PCDHGA2: variants seen among roughly 807,000 people sequenced by gnomAD.
PCDHGA2 encodes protocadherin gamma-A2.
In PCDHGA2, 40 loss-of-function variants were observed where a neutral mutation model predicts 59.2. The observed-to-expected ratio is 0.68, with a 90% CI of 0.52 to 0.88. The LOEUF is 0.88. PCDHGA2 is among the 40% of genes least tolerant of loss of function. The probability of loss-of-function intolerance (pLI) is 0.00; values close to 1 mark genes in which losing one functional copy is unlikely to be tolerated. For missense variants in PCDHGA2, 1,226 were observed against 1,204.0 expected (o/e 1.02, Z -0.27); for synonymous variants, 560 against 526.0 (o/e 1.06, Z -0.89).
rs755576652 is a variant in PCDHGA2 at position 141,410,511 on chromosome 5, G to A, written c.2424+69116G>A. 4.3e-6 allele frequency: 7 copies of A among 1,613,942 alleles called. No individual in the cohort carries two copies. In the Admixed American group the frequency reaches 8.3e-5, roughly 19 times the overall value. On this transcript the variant is annotated intron_variant, in intron 1 of 3. Transcript: ENST00000394576. ...AAAGAGTTTAATTTCCTAAAATGCA[G>A]TGTGCCCCTACATTCCAATGAAGAC... is the stretch of plus-strand genomic sequence containing the variant.
At chr5:141,389,652 G>C in intron 1 of PCDHGA2, 1 of 1,612,638 alleles carries the variant, frequency 6.2e-7, no homozygotes, top group South Asian at 1.1e-5. Context: ...GACCAAGGTA[G>C]TGGCGGTGGA....
chr5:141,362,373 T>C (rs1281253972), intron 1 of PCDHGA2: 1 of 1,614,038 alleles, frequency 6.2e-7, no homozygotes, highest in East Asian at 2.2e-5. Flanking sequence ...ACAGTGAGGG[T>C]ACATTGCCCT....
At chr5:141,418,685 G>A (rs750217981) in intron 1 of PCDHGA2, 1 of 1,614,056 alleles carries the variant, frequency 6.2e-7, no homozygotes, top group African/African-American at 1.3e-5. Context: ...CATCAACTCA[G>A]AGATCACTTA....
Position 141,476,543 on chromosome 5 carries a change from G to A in PCDHGA2, c.2425-18264G>A, listed in dbSNP as rs1419273574. 1 of 1,614,220 alleles carries A rather than the reference G, an allele frequency of 6.2e-7. No individual in the cohort carries two copies. Among genetic ancestry groups the A allele is most frequent in the South Asian group, 1.1e-5 (1 of 91,084 alleles). On this transcript the variant is annotated intron_variant, in intron 1 of 3. Transcript: ENST00000394576. The surrounding 1 kb of genome is among the most constrained non-coding windows in gnomAD (Gnocchi z 7.6). ...TTTCCCTACCCAGGAAATGAAATTG[G>A]AGATTAGCGAGGCCGTGGCTCCGGG...
At chr5:141,360,689 C>CT in intron 1 of PCDHGA2, 1 of 1,613,992 alleles carries the variant, frequency 6.2e-7, no homozygotes, top group Non-Finnish European at 8.5e-7. Context: ...GAGAAACAGA[C>CT]TCCAGATGGT....
At position 141,436,288 on chromosome 5, in the gene PCDHGA2, C is replaced by T. The variant is rs533281663; in HGVS notation, c.2425-58519C>T. On this transcript the variant is annotated intron_variant, in intron 1 of 3. Coordinates refer to ENST00000394576, the MANE Select transcript of PCDHGA2 (RefSeq NM_018915.4). ...CACCTAACTTGATTTAGGAACAAATCATTGAGAGTTAGAGCATGAATAGTC... is the reference window on the plus strand; with the variant it reads ...CACCTAACTTGATTTAGGAACAAATTATTGAGAGTTAGAGCATGAATAGTC... 3.9e-3 allele frequency among the ~76,000 whole-genome samples: 590 copies of T among 152,274 alleles called. 9 individuals are homozygous for T. Among genetic ancestry groups the T allele is most frequent in the Middle Eastern group, 0.01 (3 of 294 alleles).
At position 141,346,509 on chromosome 5, in the gene PCDHGA2, A is replaced by G. The variant is rs1168606062; in HGVS notation, c.2424+5114A>G. On this transcript the variant is annotated intron_variant, in intron 1 of 3. Coordinates refer to ENST00000394576, the MANE Select transcript of PCDHGA2 (RefSeq NM_018915.4). ...TAAGAACAAATATGAGAATGTGGTT[A>G]TTATAAAGCTTTAACACATATGTAT... 6.8e-6 allele frequency: 11 copies of G among 1,607,562 alleles called. No individual in the cohort carries two copies. The Admixed American group carries it at 1.9e-4, about 27-fold the overall frequency.
chr5:141,499,533 G>T (rs2099792525), intron 2 of PCDHGA2, among the ~76,000 whole-genome samples: 1 of 152,086 alleles, frequency 6.6e-6, no homozygotes, highest in African/African-American at 2.4e-5. Flanking sequence ...AGAGAGAATG[G>T]TGTCATGAAC....
Position 141,477,656 on chromosome 5 carries a change from C to T in PCDHGA2, c.2425-17151C>T, listed in dbSNP as rs755621234. The T allele has an allele frequency of 1.9e-6, 3 of 1,614,184 alleles. No homozygotes were observed. The South Asian group carries it at 3.3e-5, about 18-fold the overall frequency. ...AGTGGGTCGCTATTTCACAATAAATCGTGACAATGGCATAGTGTCATCCTT... is the reference window on the plus strand; with the variant it reads ...AGTGGGTCGCTATTTCACAATAAATTGTGACAATGGCATAGTGTCATCCTT... On this transcript the variant is annotated intron_variant, in intron 1 of 3. Transcript: ENST00000394576. The surrounding 1 kb of genome is among the most constrained non-coding windows in gnomAD (Gnocchi z 4.9).
intron 1 of PCDHGA2, among the ~76,000 whole-genome samples, chr5:141,387,359 C>A (rs2150333777): frequency 6.6e-6 from 1 of 152,208 alleles, no homozygotes; most frequent in East Asian, 1.9e-4. Flanking sequence ...TAGGCCAAGT[C>A]TGTGTTATGG....
rs1292946472 is a variant in PCDHGA2 at position 141,382,951 on chromosome 5, A to G, written c.2424+41556A>G. 2 of 1,600,898 alleles carry G rather than the reference A, an allele frequency of 1.2e-6. No homozygotes were observed. The highest frequency in any genetic ancestry group is 1.7e-6 in the Non-Finnish European group (2 of 1,171,390). On this transcript the variant is annotated intron_variant, in intron 1 of 3. Coordinates refer to ENST00000394576, the MANE Select transcript of PCDHGA2 (RefSeq NM_018915.4). ...CTACAGAGGATTCTTCCTGCTCTCCATCCTCCTGGGGACCCCCTGGGAAGC... is the reference window on the plus strand; with the variant it reads ...CTACAGAGGATTCTTCCTGCTCTCCGTCCTCCTGGGGACCCCCTGGGAAGC...
intron 1 of PCDHGA2, chr5:141,418,727 C>T: frequency 6.2e-7 from 1 of 1,613,976 alleles, no homozygotes; most frequent in Non-Finnish European, 8.5e-7. Flanking sequence ...CAAAGCTCAG[C>T]ACGTGTTCTC....
chr5:141,495,221 G>A lies in PCDHGA2; in HGVS notation c.2483+356G>A, dbSNP rs376660961. On this transcript the variant is annotated intron_variant, in intron 2 of 3. Coordinates refer to ENST00000394576, the MANE Select transcript of PCDHGA2 (RefSeq NM_018915.4). ...ACTGCCTAACCCCCTCCCCTGAGTT[G>A]AGCTGGGCTCCATTATGACCTGGGG... Among the ~76,000 whole-genome samples, 26 of 152,300 alleles carry A rather than the reference G, an allele frequency of 1.7e-4. 1 individual carries two copies. The East Asian group carries it at 4.4e-3, about 26-fold the overall frequency.
chr5:141,393,127 A>T (rs766823317), intron 1 of PCDHGA2: 14 of 1,613,320 alleles, frequency 8.7e-6, no homozygotes, highest in Non-Finnish European at 1.2e-5. Flanking sequence ...TGTCTGATAA[A>T]TATTAACACC....
At chr5:141,466,765 G>A (rs1199343616) in intron 1 of PCDHGA2, among the ~76,000 whole-genome samples, 1 of 151,996 alleles carries the variant, frequency 6.6e-6, no homozygotes, top group African/African-American at 2.4e-5. Context: ...TTTTCAAACT[G>A]TTATCTTATT....
intron 1 of PCDHGA2, chr5:141,355,319 A>G: frequency 6.2e-7 from 1 of 1,613,976 alleles, no homozygotes; most frequent in African/African-American, 1.3e-5. Context: ...GAGGAGCAGG[A>G]AGAAGGCTCA....
intron 1 of PCDHGA2, among the ~76,000 whole-genome samples, chr5:141,347,178 T>TCTTTCTTC (rs1206614279): frequency 1.6e-4 from 23 of 146,636 alleles, no homozygotes; most frequent in African/African-American, 9.9e-5. Context: ...TTTCTTTCTT[T>TCTTTCTTC]CTTGACAGGG....
chr5:141,371,335 G>A (rs374653658), intron 1 of PCDHGA2: 21 of 1,613,940 alleles, frequency 1.3e-5, no homozygotes, highest in Non-Finnish European at 1.8e-5. Context: ...GAGAGAGATA[G>A]CTACACAATT....
At chr5:141,441,386 G>A (rs2098243752) in intron 1 of PCDHGA2, 1 of 153,358 alleles carries the variant, frequency 6.5e-6, no homozygotes, top group African/African-American at 2.4e-5. Flanking sequence ...ACAGACCCAA[G>A]GTATAACATC....
Sources: allele counts gnomAD v4.1 joint callset (sites outside exome capture counted in the v4.1 genomes callset), GRCh38; gene constraint gnomAD v4.1.1; non-coding constraint Gnocchi (gnomAD v3.1); transcripts MANE v1.5; gene names NCBI Gene and HGNC (gene_info 2026-07-23, HGNC 2026-07-21).